The following LGR4 variants were observed in gnomAD, a reference collection of about 807,000 sequenced individuals.
The protein encoded by LGR4 is leucine-rich repeat-containing G protein-coupled receptor 4.
In LGR4, 44 loss-of-function variants were observed where a neutral mutation model predicts 84.8. The observed-to-expected ratio is 0.52, with a 90% CI of 0.41 to 0.67. The LOEUF (loss-of-function observed/expected upper bound fraction) is 0.67. Among genes scored for constraint, LGR4 ranks in the 30% least tolerant of loss-of-function variants. LGR4 has a pLI of 0.00. For missense variants in LGR4, 1,032 were observed against 1,131.4 expected (o/e 0.91, Z 1.26); for synonymous variants, 429 against 434.3 (o/e 0.99, Z 0.15).
At chr11:27,413,849 C>T (rs1863760633) in intron 1 of LGR4, among the ~76,000 whole-genome samples, 1 of 152,030 alleles carries the variant, frequency 6.6e-6, no homozygotes. Flanking sequence ...CCATCCATTC[C>T]ATCAGGTAAA....
intron 1 of LGR4, among the ~76,000 whole-genome samples, chr11:27,455,024 A>G (rs1864547344): frequency 6.6e-6 from 1 of 152,172 alleles, no homozygotes; most frequent in South Asian, 2.1e-4. Context: ...ATGCTCTTCC[A>G]CTTGCCTTCT....
At chr11:27,464,049 CCA>C (rs1036575858) in intron 1 of LGR4, among the ~76,000 whole-genome samples, 7 of 152,190 alleles carry the variant, frequency 4.6e-5, no homozygotes, top group African/African-American at 1.4e-4. Flanking sequence ...ATCTGAAGGT[CCA>C]CAGTTAACAT....
At chr11:27,418,908 C>T (rs1349680920) in intron 1 of LGR4, among the ~76,000 whole-genome samples, 1 of 149,144 alleles carries the variant, frequency 6.7e-6, no homozygotes, top group Non-Finnish European at 1.5e-5. Flanking sequence ...AATCATGGCT[C>T]ACTGCAGCCT....
chr11:27,426,838 C>T (rs1228232772), intron 1 of LGR4, among the ~76,000 whole-genome samples: 3 of 152,110 alleles, frequency 2.0e-5, no homozygotes, highest in Non-Finnish European at 2.9e-5. Flanking sequence ...TGATTCTTTC[C>T]ACTACCTTAA....
chr11:27,414,606 TA>T (rs1365383689), intron 1 of LGR4, among the ~76,000 whole-genome samples: 1 of 152,090 alleles, frequency 6.6e-6, no homozygotes, highest in Non-Finnish European at 1.5e-5. Flanking sequence ...AAAGCCAAAT[TA>T]CTATGCTTCT....
chr11:27,403,457 T>C (rs1863543642), intron 2 of LGR4, among the ~76,000 whole-genome samples: 2 of 152,050 alleles, frequency 1.3e-5, no homozygotes, highest in Admixed American at 6.6e-5. Context: ...AAACAGAAAG[T>C]TTCTAAAACT....
At chr11:27,389,440 T>C (rs934330467) in intron 4 of LGR4, among the ~76,000 whole-genome samples, 1 of 152,156 alleles carries the variant, frequency 6.6e-6, no homozygotes, top group Non-Finnish European at 1.5e-5. Context: ...GAGAAACCTA[T>C]GATTTCTGTG....
intron 2 of LGR4, among the ~76,000 whole-genome samples, chr11:27,404,544 T>C (rs1347425941): frequency 6.6e-6 from 1 of 152,206 alleles, no homozygotes; most frequent in Non-Finnish European, 1.5e-5. Context: ...CTATGGTTTC[T>C]TTCTGCCCAG....
chr11:27,472,088 C>G lies in LGR4; in HGVS notation c.185+30G>C, dbSNP rs1009840631. 118 of 1,284,456 alleles carry G rather than the reference C, an allele frequency of 9.2e-5. No individual in the cohort carries two copies. In the Admixed American group the frequency reaches 3.6e-3, roughly 40 times the overall value. The allele number at this position is 1,284,456 out of a possible 1,614,324, so 79.6% of individuals were successfully genotyped here. On this transcript the variant is annotated intron_variant, in intron 1 of 17. Coordinates refer to ENST00000379214, the MANE Select transcript of LGR4 (RefSeq NM_018490.5). ...CCCCGCTGGGCCCCGTTTCCTCCCC[C>G]CCCCTCGCGTCCCCGCCGCCCGCAC... is the stretch of plus-strand genomic sequence containing the variant.
chr11:27,455,195 C>T (rs1354703177), intron 1 of LGR4, among the ~76,000 whole-genome samples: 1 of 152,086 alleles, frequency 6.6e-6, no homozygotes, highest in African/African-American at 2.4e-5. Context: ...TGCCACCACG[C>T]CAGGCTAATT....
At position 27,427,902 on chromosome 11, in the gene LGR4, C is replaced by T. The variant is rs575877727; in HGVS notation, c.186-15042G>A. On this transcript the variant is annotated intron_variant, in intron 1 of 17. Coordinates refer to ENST00000379214, the MANE Select transcript of LGR4 (RefSeq NM_018490.5). The stretch of plus-strand genomic sequence containing the variant: ...CTTGTCTTTTTTATCTTATGGACAA[C>T]GTGGAATCACAGAAATGGACCCTCT... 1.2e-4 allele frequency among the ~76,000 whole-genome samples: 18 copies of T among 152,148 alleles called. No homozygotes were observed. The South Asian group carries it at 1.5e-3, about 12-fold the overall frequency.
intron 12 of LGR4, among the ~76,000 whole-genome samples, chr11:27,376,663 A>G (rs555182286): frequency 1.3e-5 from 2 of 152,300 alleles, no homozygotes; most frequent in South Asian, 4.1e-4. Flanking sequence ...AAATTCCCCC[A>G]TCAACCCCAC....
chr11:27,413,709 CT>C (rs1276319709), intron 1 of LGR4, among the ~76,000 whole-genome samples: 1 of 152,082 alleles, frequency 6.6e-6, no homozygotes, highest in Non-Finnish European at 1.5e-5. Flanking sequence ...TGGGTCTCCC[CT>C]CTCTAGAACC....
Position 27,397,053 on chromosome 11 carries a change from A to G in LGR4, c.258-4535T>C, listed in dbSNP as rs140217674. On this transcript the variant is annotated intron_variant, in intron 2 of 17. Transcript: ENST00000379214. ...TTCCACAGGATTCCTGTCTCAAACC[A>G]CTTAATCTGAAAAAGCACAATTCTA... Among the ~76,000 whole-genome samples the G allele has an allele frequency of 4.9e-3, 740 of 152,054 alleles. 3 individuals carry two copies. The highest frequency in any genetic ancestry group is 0.017 in the African/African-American group (696 of 41,480).
intron 15 of LGR4, 66 bp downstream of exon 15, chr11:27,373,485 A>G: frequency 1.4e-6 from 2 of 1,432,634 alleles, no homozygotes; most frequent in Non-Finnish European, 9.3e-7. Context: ...GCAAAAAACC[A>G]GGACACTCTG....
intron 2 of LGR4, among the ~76,000 whole-genome samples, chr11:27,412,321 T>C (rs1353795597): frequency 1.3e-5 from 2 of 152,146 alleles, no homozygotes; most frequent in East Asian, 3.9e-4. Context: ...TTTCCAAAGG[T>C]CATCTGCAAT....
intron 1 of LGR4, among the ~76,000 whole-genome samples, chr11:27,437,838 CA>C (rs35851509): frequency 6.6e-6 from 1 of 151,912 alleles, no homozygotes; most frequent in African/African-American, 2.4e-5. Context: ...TCTGTCTCTA[CA>C]AAAAAGATTA....
chr11:27,409,560 G>A (rs1417312807), intron 2 of LGR4, among the ~76,000 whole-genome samples: 3 of 152,062 alleles, frequency 2.0e-5, no homozygotes, highest in Non-Finnish European at 4.4e-5. Flanking sequence ...AAAAACCCTA[G>A]TCTCATTCCT....
chr11:27,382,335 ATT>A, intron 6 of LGR4, 79 bp from the exon 7 acceptor site: 1 of 898,400 alleles, frequency 1.1e-6, no homozygotes, highest in Non-Finnish European at 1.8e-6. Flanking sequence ...ACAGACAAGT[ATT>A]TTTTTAAATC....
Sources: allele counts gnomAD v4.1 joint callset (sites outside exome capture counted in the v4.1 genomes callset), GRCh38; gene constraint gnomAD v4.1.1; transcripts MANE v1.5; gene names NCBI Gene and HGNC (gene_info 2026-07-23, HGNC 2026-07-21).